ANKFN1: variants seen among roughly 807,000 people sequenced by gnomAD.
The protein encoded by ANKFN1 is ankyrin repeat and fibronectin type-III domain-containing protein 1.
A neutral mutation model predicts 108.7 loss-of-function variants in ANKFN1; 74 were observed. The observed-to-expected ratio is 0.68, with a 90% confidence interval of 0.56 to 0.83. The LOEUF (loss-of-function observed/expected upper bound fraction) is 0.83. Ranked by LOEUF, ANKFN1 falls within the 40% of genes least tolerant of loss-of-function variation. The pLI, the probability that ANKFN1 is intolerant of heterozygous loss-of-function variation, is 0.00. For synonymous variants in ANKFN1, 547 were observed against 516.2 expected (o/e 1.06, Z -0.81); for missense variants, 1,505 against 1,382.3 (o/e 1.09, Z -1.41).
chr17:56,321,659 C>A (rs540054611), intron 3 of ANKFN1, among the ~76,000 whole-genome samples: 29 of 152,268 alleles, frequency 1.9e-4, no homozygotes, highest in Non-Finnish European at 3.2e-4. Flanking sequence ...ACATTACTGG[C>A]TTCTGATGTT....
chr17:56,262,671 C>T (rs544543396), intron 3 of ANKFN1, among the ~76,000 whole-genome samples: 18 of 152,228 alleles, frequency 1.2e-4, no homozygotes, highest in East Asian at 3.9e-4. Flanking sequence ...GCAAATGCCT[C>T]GGGAGAACGA....
chr17:56,145,653 C>T (rs986054964), intron 4 of ANKFN1, among the ~76,000 whole-genome samples: 1 of 152,168 alleles, frequency 6.6e-6, no homozygotes, highest in South Asian at 2.1e-4. Context: ...ACTGGAATTA[C>T]AATTCAAGGT....
chr17:56,209,737 T>C (rs1914823960), intron 1 of ANKFN1, among the ~76,000 whole-genome samples: 2 of 152,136 alleles, frequency 1.3e-5, no homozygotes, highest in South Asian at 4.1e-4. Flanking sequence ...AGTTCTTTAG[T>C]GGTGATTTCT....
At chr17:56,332,182 C>T (rs1211650214) in intron 4 of ANKFN1, among the ~76,000 whole-genome samples, 1 of 151,964 alleles carries the variant, frequency 6.6e-6, no homozygotes, top group Non-Finnish European at 1.5e-5. Context: ...ATGATGGAGA[C>T]CATATCAAAA....
chr17:56,080,148 T>C (rs1471761776), intron 4 of ANKFN1, among the ~76,000 whole-genome samples: 4 of 152,154 alleles, frequency 2.6e-5, no homozygotes, highest in African/African-American at 9.7e-5. Context: ...GATATGGAAA[T>C]GAGGGAGACA....
chr17:56,266,568 T>G (rs183710454), intron 3 of ANKFN1, among the ~76,000 whole-genome samples: 4 of 152,316 alleles, frequency 2.6e-5, no homozygotes, highest in Admixed American at 2.6e-4. Flanking sequence ...GTTGAGATCT[T>G]CTAAACAGTG....
chr17:56,367,445 A>G (rs1212501517), intron 6 of ANKFN1, among the ~76,000 whole-genome samples: 1 of 151,622 alleles, frequency 6.6e-6, no homozygotes, highest in Non-Finnish European at 1.5e-5. Flanking sequence ...TTCCTGCCCC[A>G]TCCCCCACCC....
intron 4 of ANKFN1, among the ~76,000 whole-genome samples, chr17:56,116,069 A>G (rs533633687): frequency 1.2e-4 from 18 of 152,058 alleles, no homozygotes; most frequent in Admixed American, 1.2e-3. Context: ...AAACATCACC[A>G]CCTCTCCAAA....
intron 15 of ANKFN1, among the ~76,000 whole-genome samples, chr17:56,476,161 G>T (rs997260854): frequency 1.1e-4 from 17 of 152,230 alleles, no homozygotes; most frequent in African/African-American, 3.9e-4. Flanking sequence ...AGGCCCCTCC[G>T]CCAATTGAAC....
intron 2 of ANKFN1, among the ~76,000 whole-genome samples, chr17:56,224,153 A>G (rs530051443): frequency 6.6e-6 from 1 of 152,332 alleles, no homozygotes; most frequent in East Asian, 1.9e-4. Context: ...TTTAAAGAAC[A>G]CTTGATCAAA....
chr17:56,513,487 G>A lies in ANKFN1; in HGVS notation c.*2218G>A, dbSNP rs1376582817. 6.6e-6 allele frequency among the ~76,000 whole-genome samples: 1 copy of A among 152,154 alleles called. No homozygotes were observed. The highest frequency in any genetic ancestry group is 1.5e-5 in the Non-Finnish European group (1 of 68,032). On this transcript the variant is annotated 3_prime_UTR_variant, in exon 21 of 21. Coordinates refer to ENST00000682825, the MANE Select transcript of ANKFN1 (RefSeq NM_001370326.1). ...TATAAAATGGATTACTTTGTTCAATGAGTTTGTGAGATGAGATTCTAGGAT... is the reference window on the plus strand; with the variant it reads ...TATAAAATGGATTACTTTGTTCAATAAGTTTGTGAGATGAGATTCTAGGAT...
chr17:56,317,811 C>T (rs1236450852), intron 3 of ANKFN1, among the ~76,000 whole-genome samples: 4 of 152,156 alleles, frequency 2.6e-5, no homozygotes, highest in African/African-American at 9.7e-5. Context: ...CTTCATTATG[C>T]CTGTGATATT....
In ANKFN1 at chr17:56,394,656, A is replaced by G. The variant is rs1598519536; in HGVS notation, c.910+19942A>G. ...GGCAGTTGCTGAGCCCATACGCCTC[A>G]GGGACTGGTGAGCTTCCAGTGGCCA... On this transcript the variant is annotated intron_variant, in intron 8 of 20. Transcript: ENST00000682825. 4.6e-5 allele frequency among the ~76,000 whole-genome samples: 7 copies of G among 152,188 alleles called. No homozygotes were observed. The East Asian group carries it at 1.4e-3, about 30-fold the overall frequency.
At chr17:56,341,021 C>G (rs1484969681) in intron 4 of ANKFN1, among the ~76,000 whole-genome samples, 1 of 151,950 alleles carries the variant, frequency 6.6e-6, no homozygotes, top group Admixed American at 6.6e-5. Flanking sequence ...TCTTTCACCC[C>G]CCTAGTTAGC....
rs767777209 is a variant in ANKFN1 at position 56,514,733 on chromosome 17, G to C, written c.*3464G>C. 6.6e-6 allele frequency among the ~76,000 whole-genome samples: 1 copy of C among 152,006 alleles called. No homozygotes were observed. Among genetic ancestry groups the C allele is most frequent in the South Asian group, 2.1e-4 (1 of 4,814 alleles). ...TGAAGCAAGTTAGTAATAATATTTCGCCAGTCCTCTTTCCTGAAGGATCCC... is the reference window on the plus strand; with the variant it reads ...TGAAGCAAGTTAGTAATAATATTTCCCCAGTCCTCTTTCCTGAAGGATCCC... On this transcript the variant is annotated 3_prime_UTR_variant, in exon 21 of 21. Coordinates refer to ENST00000682825, the MANE Select transcript of ANKFN1 (RefSeq NM_001370326.1).
At chr17:56,389,517 C>T (rs536120154) in intron 8 of ANKFN1, among the ~76,000 whole-genome samples, 77 of 152,294 alleles carry the variant, frequency 5.1e-4, no homozygotes, top group Non-Finnish European at 8.8e-4. Flanking sequence ...GGTTTGGCCT[C>T]TTGATTCAAG....
At chr17:56,249,638 T>C (rs1412040352) in intron 3 of ANKFN1, among the ~76,000 whole-genome samples, 1 of 152,228 alleles carries the variant, frequency 6.6e-6, no homozygotes, top group Middle Eastern at 3.4e-3. Context: ...ACAGCTAGAC[T>C]TACCAAGTTG....
intron 4 of ANKFN1, among the ~76,000 whole-genome samples, chr17:56,112,676 A>G (rs1906033348): frequency 6.6e-6 from 1 of 152,202 alleles, no homozygotes; most frequent in African/African-American, 2.4e-5. Context: ...GAATCACACT[A>G]TATATTTTGG....
intron 4 of ANKFN1, among the ~76,000 whole-genome samples, chr17:56,105,563 C>T (rs867279052): frequency 1.1e-4 from 16 of 151,462 alleles, no homozygotes; most frequent in African/African-American, 3.6e-4. Flanking sequence ...TTCCTTTCCT[C>T]TCTCTATTTC....
Sources: allele counts gnomAD v4.1 joint callset (sites outside exome capture counted in the v4.1 genomes callset), GRCh38; gene constraint gnomAD v4.1.1; transcripts MANE v1.5; gene names NCBI Gene and HGNC (gene_info 2026-07-23, HGNC 2026-07-21).